PDCD6IP: variants seen among roughly 807,000 people sequenced by gnomAD.
PDCD6IP encodes the protein programmed cell death 6-interacting protein.
Under a neutral mutation model 103.7 loss-of-function variants are expected in PDCD6IP, and 43 were observed. The ratio of observed to expected loss-of-function variants is 0.41; its 90% CI spans 0.32 to 0.53. The LOEUF (loss-of-function observed/expected upper bound fraction) is 0.53, where lower values mean the gene tolerates loss of function less well. Ranked by LOEUF, PDCD6IP falls within the 20% of genes least tolerant of loss-of-function variation. The pLI is 0.16. For missense variants in PDCD6IP, 871 were observed against 1,036.7 expected, an observed-to-expected ratio of 0.84 and a Z score of 2.20; for synonymous variants, 354 against 378.7, an observed-to-expected ratio of 0.93 and a Z score of 0.76.
chr3:33,807,704 T>G (rs1696628788), intron 1 of PDCD6IP, among the ~76,000 whole-genome samples: 1 of 152,184 alleles, frequency 6.6e-6, no homozygotes, highest in Non-Finnish European at 1.5e-5. Flanking sequence ...GTCTCCAGGA[T>G]GGCACCTGGG....
At chr3:33,834,934 T>C (rs1175226583) in intron 7 of PDCD6IP, among the ~76,000 whole-genome samples, 2 of 152,220 alleles carry the variant, frequency 1.3e-5, no homozygotes, top group African/African-American at 4.8e-5. Flanking sequence ...CAGCCATTGC[T>C]GAGACAGATA....
intron 1 of PDCD6IP, among the ~76,000 whole-genome samples, chr3:33,801,553 C>G (rs1048767668): frequency 6.6e-6 from 1 of 152,146 alleles, no homozygotes; most frequent in Middle Eastern, 3.2e-3. Context: ...ATAATTCCAG[C>G]TGAGGCAGAA....
At position 33,807,091 on chromosome 3, in the gene PDCD6IP, C is replaced by G. The variant is rs376182825; in HGVS notation, c.210-4981C>G. Among the ~76,000 whole-genome samples, 37 of 152,244 alleles carry G rather than the reference C, an allele frequency of 2.4e-4. 1 individual carries two copies. In the Middle Eastern group the frequency reaches 0.014, roughly 56 times the overall value. On this transcript the variant is annotated intron_variant, in intron 1 of 17. Transcript: ENST00000307296. ...GTTACAGGATATAAATGCCCTGTTCCCCCCATACAGCTCAGGTTTTGTTAG... is the reference window on the plus strand; with the variant it reads ...GTTACAGGATATAAATGCCCTGTTCGCCCCATACAGCTCAGGTTTTGTTAG...
Position 33,865,387 on chromosome 3 carries a change from C to A in PDCD6IP, c.2389C>A (p.Gln797Lys), listed in dbSNP as rs937554214. The change falls in exon 17 of 18, where the codon CAG (glutamine) becomes AAG (lysine). Residue 797 changes from glutamine (Q) to lysine (K), a missense_variant. Transcript: ENST00000307296. ...SQTPGSAPPP[Q>K]AQGPPYPTYP... The stretch of plus-strand genomic sequence containing the variant: ...AACGCCTGGCTCAGCTCCTCCTCCA[C>A]AGGCGCAGGGACCACCCTATCCCAC... 6.2e-7 allele frequency: 1 copy of A among 1,600,722 alleles called. No homozygotes were observed. Among genetic ancestry groups the A allele is most frequent in the Non-Finnish European group, 8.5e-7 (1 of 1,174,198 alleles).
intron 7 of PDCD6IP, among the ~76,000 whole-genome samples, chr3:33,834,345 C>G (rs1291650371): frequency 6.6e-6 from 1 of 152,158 alleles, no homozygotes; most frequent in Admixed American, 6.5e-5. Context: ...CCCTTTCTTC[C>G]CCCTCTGTGT....
At chr3:33,835,220 T>C in intron 7 of PDCD6IP, 1 of 456,706 alleles carries the variant, frequency 2.2e-6, no homozygotes, top group Non-Finnish European at 4.4e-6. Context: ...TGACATGTTG[T>C]TCACTTCCTG....
At chr3:33,799,856 C>T (rs935852003) in intron 1 of PDCD6IP, among the ~76,000 whole-genome samples, 9 of 151,918 alleles carry the variant, frequency 5.9e-5, no homozygotes, top group Non-Finnish European at 1.2e-4. Flanking sequence ...CGCGGTGGCT[C>T]ACGCCTGTAA....
intron 1 of PDCD6IP, among the ~76,000 whole-genome samples, chr3:33,807,817 A>T (rs549339458): frequency 1.1e-3 from 170 of 152,358 alleles, no homozygotes; most frequent in Non-Finnish European, 1.7e-3. Context: ...CATACTTATT[A>T]TATGCTTGAT....
chr3:33,823,154 A>G (rs1375803846), intron 4 of PDCD6IP, among the ~76,000 whole-genome samples: 1 of 152,170 alleles, frequency 6.6e-6, no homozygotes, highest in Non-Finnish European at 1.5e-5. Context: ...GATTTTACAT[A>G]CGAGGAGGCT....
At position 33,844,096 on chromosome 3, in the gene PDCD6IP, T is replaced by G. The variant is rs1286767824; in HGVS notation, c.1360-16T>G. The G allele has an allele frequency of 6.6e-7, 1 of 1,503,856 alleles. No individual in the cohort carries two copies. The highest frequency in any genetic ancestry group is 9.1e-7 in the Non-Finnish European group (1 of 1,097,092). The allele number at this position is 1,503,856 out of a possible 1,614,324, so 93.2% of individuals were successfully genotyped here. A position where few individuals can be genotyped will look rare whatever the true frequency, so the allele number is the denominator to read the frequency against. On this transcript the variant is annotated splice_polypyrimidine_tract_variant and intron_variant, in intron 10 of 17. Transcript: ENST00000307296. ...CAGAAATGACATTTCAGGGTTCTTT[T>G]TGCTTCCTTTTAAAGTCATTAAGGT...
chr3:33,814,617 A>ATATAATGTGTG (rs1452760300), intron 3 of PDCD6IP, among the ~76,000 whole-genome samples: 1 of 129,328 alleles, frequency 7.7e-6, no homozygotes, highest in East Asian at 2.2e-4. Flanking sequence ...ATATATGCAC[A>ATATAATGTGTG]TATAATGTGT....
intron 9 of PDCD6IP, among the ~76,000 whole-genome samples, chr3:33,841,046 G>A (rs80344620): frequency 8.6e-5 from 11 of 128,342 alleles, no homozygotes; most frequent in Non-Finnish European, 1.4e-4. Context: ...TTTTTCCCCC[G>A]AGACGGAGTC....
chr3:33,836,255 A>T lies in PDCD6IP; in HGVS notation c.1046A>T (p.Gln349Leu). ...KSTPVNVPIS[Q>L]KFTDLFEKMV... ...ACCCCGGTCAATGTACCCATCAGTCAGAAATTTACTGGTATGTCAGTTATT... is the reference window on the plus strand; with the variant it reads ...ACCCCGGTCAATGTACCCATCAGTCTGAAATTTACTGGTATGTCAGTTATT... Residue 349 changes from glutamine to leucine, a missense_variant, in exon 8 of 18, where the codon CAG becomes CTG. This residue lies in a region of PDCD6IP where 242 missense variants were observed against 250.7 expected (regional missense o/e 0.97). Coordinates refer to ENST00000307296, the MANE Select transcript of PDCD6IP (RefSeq NM_013374.6). 4.4e-6 allele frequency: 7 copies of T among 1,586,906 alleles called. No homozygotes were observed. Among genetic ancestry groups the T allele is most frequent in the Non-Finnish European group, 6.1e-6 (7 of 1,155,788 alleles).
In PDCD6IP at chr3:33,864,101, C is replaced by T; in HGVS notation, c.2216C>T (p.Pro739Leu). 6.2e-7 allele frequency: 1 copy of T among 1,610,752 alleles called. No homozygotes were observed. The highest frequency in any genetic ancestry group is 8.5e-7 in the Non-Finnish European group (1 of 1,176,960). The change falls in exon 16 of 18, where the codon CCT becomes CTT. Residue 739 changes from proline to leucine, a missense_variant. Physicochemically the swap from Pro to Leu is moderately conservative, Grantham distance 98. This residue lies in a region of PDCD6IP where 202 missense variants were observed against 205.2 expected (regional missense o/e 0.98). Coordinates refer to ENST00000307296, the MANE Select transcript of PDCD6IP (RefSeq NM_013374.6). ...CCAGCAGGAGGACATGCACCAACTC[C>T]TCCAACTCCAGCGCCAAGAACCATG... is the stretch of plus-strand genomic sequence containing the variant. ...SSPAGGHAPT[P>L]PTPAPRTMPP... is the part of the protein sequence containing the mutation.
At chr3:33,838,802 A>G (rs1367826974) in intron 9 of PDCD6IP, among the ~76,000 whole-genome samples, 1 of 150,794 alleles carries the variant, frequency 6.6e-6, no homozygotes, top group Non-Finnish European at 1.5e-5. Flanking sequence ...ATGTATATAT[A>G]TATATTTTTT....
chr3:33,814,745 GTA>G (rs1200140367), intron 3 of PDCD6IP, among the ~76,000 whole-genome samples: 3 of 144,238 alleles, frequency 2.1e-5, no homozygotes, highest in South Asian at 4.3e-4. Flanking sequence ...ATACATATAT[GTA>G]TATATACTTA....
chr3:33,829,841 C>T (rs1697208557), intron 7 of PDCD6IP, among the ~76,000 whole-genome samples: 2 of 152,060 alleles, frequency 1.3e-5, no homozygotes, highest in Admixed American at 6.6e-5. Context: ...GCTGAGAAGT[C>T]GAATATCAAG....
chr3:33,803,472 A>G (rs1696520825), intron 1 of PDCD6IP, among the ~76,000 whole-genome samples: 1 of 151,760 alleles, frequency 6.6e-6, no homozygotes, highest in South Asian at 2.1e-4. Context: ...CCCATTTTCT[A>G]TTGAGTTGTT....
At chr3:33,821,203 T>TTTTG (rs1172323256) in intron 3 of PDCD6IP, among the ~76,000 whole-genome samples, 102 of 148,522 alleles carry the variant, frequency 6.9e-4, no homozygotes, top group African/African-American at 2.4e-3. Flanking sequence ...TGAGATGGGG[T>TTTTG]CTTGCTGTGT....
Sources: gnomAD v4.1 joint callset for allele counts (sites outside exome capture counted in the v4.1 genomes callset) on GRCh38, gnomAD v4.1.1 for gene constraint, gnomAD v4.1.1 regional missense constraint, MANE v1.5 for transcripts, NCBI Gene and HGNC (gene_info 2026-07-23, HGNC 2026-07-21) for gene names.